LOC400499: variants seen among roughly 807,000 people sequenced by gnomAD.
chr16:11,498,867 G>T, the LOC400499 span, among the ~76,000 whole-genome samples: 2 of 151,008 alleles, frequency 1.3e-5, no homozygotes, highest in African/African-American at 4.9e-5. Context: ...TGGTCTGCAA[G>T]GTCATTCTAC....
At chr16:11,421,582 T>A in the LOC400499 span, among the ~76,000 whole-genome samples, 1 of 152,178 alleles carries the variant, frequency 6.6e-6, no homozygotes. Context: ...TGTTGTATTT[T>A]TAGTAGAGAC....
At chr16:11,378,282 G>A in the LOC400499 span, among the ~76,000 whole-genome samples, 1 of 146,562 alleles carries the variant, frequency 6.8e-6, no homozygotes, top group African/African-American at 2.5e-5. Context: ...GGGGAGGGGG[G>A]AGGTGGAGTC....
At chr16:11,384,327 T>C in the LOC400499 span, 1 of 1,230,680 alleles carries the variant, frequency 8.1e-7, no homozygotes, top group Non-Finnish European at 1.0e-6. Context: ...CGGATATGCC[T>C]GTGGGGAAGA....
the LOC400499 span, chr16:11,417,545 C>A: frequency 5.0e-6 from 2 of 398,202 alleles, no homozygotes; most frequent in Non-Finnish European, 8.8e-6. Flanking sequence ...AGGAGTGCCA[C>A]CTGGGTCCAG....
At chr16:11,415,024 G>A in the LOC400499 span, among the ~76,000 whole-genome samples, 1 of 152,178 alleles carries the variant, frequency 6.6e-6, no homozygotes, top group Non-Finnish European at 1.5e-5. Flanking sequence ...AATGACTGTG[G>A]GATGAAAGGC....
chr16:11,526,847 C>G, the LOC400499 span, among the ~76,000 whole-genome samples: 4 of 152,156 alleles, frequency 2.6e-5, no homozygotes. Flanking sequence ...TTTTCTCACT[C>G]AGGGCTTCAG....
chr16:11,375,595 G>A, the LOC400499 span, among the ~76,000 whole-genome samples: 2 of 152,008 alleles, frequency 1.3e-5, no homozygotes, highest in Non-Finnish European at 2.9e-5. Context: ...TTACAGGCGT[G>A]AGCCACTGTG....
At chr16:11,487,001 G>A in the LOC400499 span, among the ~76,000 whole-genome samples, 4 of 151,614 alleles carry the variant, frequency 2.6e-5, no homozygotes, top group African/African-American at 7.3e-5. Context: ...TGAGAGGGAT[G>A]TGCGTGGATG....
At chr16:11,516,060 C>G in the LOC400499 span, 5 of 399,428 alleles carry the variant, frequency 1.3e-5, no homozygotes, top group Admixed American at 2.2e-4. Flanking sequence ...CCCAGGATGT[C>G]CACCTGGGCA....
the LOC400499 span, among the ~76,000 whole-genome samples, chr16:11,502,917 C>CTTTTTTT: frequency 0.034 from 3,307 of 97,908 alleles, 229 homozygotes; most frequent in Non-Finnish European, 0.045. Flanking sequence ...CCTGGACCAC[C>CTTTTTTT]TTTTTTTTTT....
the LOC400499 span, among the ~76,000 whole-genome samples, chr16:11,378,926 T>C: frequency 1.3e-5 from 2 of 152,366 alleles, no homozygotes; most frequent in South Asian, 4.1e-4. Flanking sequence ...AAGTACTTTG[T>C]TTCCTTCTTG....
At chr16:11,398,854 T>A in the LOC400499 span, among the ~76,000 whole-genome samples, 1 of 152,008 alleles carries the variant, frequency 6.6e-6, no homozygotes, top group Non-Finnish European at 1.5e-5. Flanking sequence ...AGAGATGGGG[T>A]TTCGCCATGT....
the LOC400499 span, chr16:11,493,563 GA>G: frequency 2.5e-6 from 1 of 393,600 alleles, no homozygotes; most frequent in Non-Finnish European, 4.5e-6. Context: ...ATGAACAACT[GA>G]ATAAGTGAAT....
the LOC400499 span, chr16:11,390,110 C>T: frequency 6.6e-5 from 81 of 1,232,210 alleles, 3 homozygotes; most frequent in South Asian, 2.6e-3. Context: ...GTTACCTGGC[C>T]GACAGGCTGT....
the LOC400499 span, chr16:11,431,294 C>G: frequency 7.5e-6 from 3 of 398,626 alleles, no homozygotes; most frequent in East Asian, 1.1e-4. Context: ...GGGTTCCAAC[C>G]CCAATGCTGC....
the LOC400499 span, chr16:11,462,261 G>C: frequency 6.6e-7 from 1 of 1,522,036 alleles, no homozygotes. Context: ...GCCTGGAACC[G>C]CTCAGCCTCG....
the LOC400499 span, among the ~76,000 whole-genome samples, chr16:11,377,787 G>A: frequency 3.3e-5 from 5 of 152,168 alleles, no homozygotes; most frequent in African/African-American, 1.2e-4. Flanking sequence ...TCTGCCTTTG[G>A]TATCAGTAAT....
the LOC400499 span, chr16:11,424,263 G>C: frequency 7.6e-6 from 3 of 397,080 alleles, no homozygotes; most frequent in African/African-American, 6.2e-5. Flanking sequence ...CTGAGCCCCC[G>C]CGTTCCACAG....
chr16:11,399,676 C>T, the LOC400499 span: 33 of 398,710 alleles, frequency 8.3e-5, no homozygotes, highest in East Asian at 5.7e-4. Context: ...CCCCCTCACT[C>T]GGTGCAGCGG....
Sources: allele counts gnomAD v4.1 joint callset (sites outside exome capture counted in the v4.1 genomes callset), GRCh38; gene constraint gnomAD v4.1.1; transcripts MANE v1.5.